TMTC2: variants seen among roughly 807,000 people sequenced by gnomAD.
The protein encoded by TMTC2 is protein O-mannosyl-transferase TMTC2.
A neutral mutation model predicts 82.4 loss-of-function variants in TMTC2; 43 were observed. The observed-to-expected ratio is 0.52, with a 90% confidence interval of 0.41 to 0.67. The LOEUF is 0.67. Ranked by LOEUF, TMTC2 falls within the 30% of genes least tolerant of loss-of-function variation. The pLI is 0.00. For missense variants in TMTC2, 919 were observed against 1,012.4 expected (o/e 0.91, Z 1.25); for synonymous variants, 408 against 381.9 (o/e 1.07, Z -0.80).
At chr12:82,876,122 T>TGATGGTG (rs1872544085) in intron 2 of TMTC2, among the ~76,000 whole-genome samples, 36 of 143,498 alleles carry the variant, frequency 2.5e-4, no homozygotes, top group Non-Finnish European at 3.2e-4. Context: ...GTGGTGGTGG[T>TGATGGTG]ATTAGTAATG....
At chr12:83,012,568 TC>T (rs1352122252) in intron 8 of TMTC2, among the ~76,000 whole-genome samples, 1 of 152,122 alleles carries the variant, frequency 6.6e-6, no homozygotes, top group Non-Finnish European at 1.5e-5. Flanking sequence ...AACATGGTAG[TC>T]CTATGAATAT....
chr12:82,801,309 C>G (rs938975407), intron 1 of TMTC2, among the ~76,000 whole-genome samples: 12 of 152,024 alleles, frequency 7.9e-5, no homozygotes, highest in African/African-American at 2.4e-4. Flanking sequence ...AGGAGTGAAA[C>G]TGCAGATCTT....
intron 1 of TMTC2, among the ~76,000 whole-genome samples, chr12:82,756,378 A>C (rs1443047159): frequency 6.6e-6 from 1 of 152,218 alleles, no homozygotes; most frequent in East Asian, 1.9e-4. Context: ...GTTGAAGGGA[A>C]AAGCCTACAT....
chr12:82,691,726 A>G (rs908671722), intron 1 of TMTC2, among the ~76,000 whole-genome samples: 20 of 152,178 alleles, frequency 1.3e-4, no homozygotes, highest in Non-Finnish European at 2.8e-4. Flanking sequence ...TGAGATTGTT[A>G]TCTTAAGATT....
intron 1 of TMTC2, among the ~76,000 whole-genome samples, chr12:82,823,148 C>T (rs1405370090): frequency 6.6e-6 from 1 of 152,022 alleles, no homozygotes; most frequent in Non-Finnish European, 1.5e-5. Context: ...TAAATCAGTT[C>T]TGTTATTAAT....
chr12:82,935,932 T>A (rs1876292762), intron 4 of TMTC2, among the ~76,000 whole-genome samples: 1 of 152,034 alleles, frequency 6.6e-6, no homozygotes, highest in Non-Finnish European at 1.5e-5. Flanking sequence ...TAAATCAGAA[T>A]GCAGAGAAAC....
At chr12:82,979,621 C>T (rs1411522903) in intron 7 of TMTC2, among the ~76,000 whole-genome samples, 1 of 151,664 alleles carries the variant, frequency 6.6e-6, no homozygotes. Flanking sequence ...TTATGTACCA[C>T]CTAATTATGT....
rs763708017 is a variant in TMTC2 at position 82,765,697 on chromosome 12, CAAAA to C, written c.83+78029_83+78032del. 5.0e-3 allele frequency among the ~76,000 whole-genome samples: 717 copies of C among 143,000 alleles called. 8 individuals carry two copies. Among genetic ancestry groups the C allele is most frequent in the Middle Eastern group, 0.041 (10 of 246 alleles). The allele number at this position is 143,000 out of a possible 152,430, so 93.8% of individuals were successfully genotyped here. A position where few individuals can be genotyped will look rare whatever the true frequency, so the allele number is the denominator to read the frequency against. ...CTCGAAAAAACAAAACAAAACAAAA[CAAAA>C]CAAACAAACAAACAAAAAAAAACAA... is the stretch of plus-strand genomic sequence containing the variant. On this transcript the variant is annotated intron_variant, in intron 1 of 11. Coordinates refer to ENST00000321196, the MANE Select transcript of TMTC2 (RefSeq NM_152588.3).
At chr12:83,119,341 G>A (rs1314068448) in intron 11 of TMTC2, among the ~76,000 whole-genome samples, 1 of 152,102 alleles carries the variant, frequency 6.6e-6, no homozygotes, top group African/African-American at 2.4e-5. Context: ...GATAGGTTGT[G>A]TCACTATTGT....
At chr12:82,784,646 G>A (rs1317695567) in intron 1 of TMTC2, among the ~76,000 whole-genome samples, 1 of 152,094 alleles carries the variant, frequency 6.6e-6, no homozygotes, top group Non-Finnish European at 1.5e-5. Flanking sequence ...TGTAGGCGAA[G>A]GGTAACTTCC....
chr12:82,797,136 G>C (rs1878759345), intron 1 of TMTC2, among the ~76,000 whole-genome samples: 1 of 151,996 alleles, frequency 6.6e-6, no homozygotes, highest in African/African-American at 2.4e-5. Flanking sequence ...TCCCTGCCTT[G>C]CTTTCTGCAA....
At chr12:82,792,120 G>A (rs77470245) in intron 1 of TMTC2, among the ~76,000 whole-genome samples, 2,947 of 151,782 alleles carry the variant, frequency 0.019, 108 homozygotes, top group African/African-American at 0.068. Context: ...AAAATCTGTC[G>A]ACTGTGGTGT....
chr12:82,719,033 A>C (rs1874036285), intron 1 of TMTC2, among the ~76,000 whole-genome samples: 2 of 145,136 alleles, frequency 1.4e-5, no homozygotes, highest in South Asian at 4.3e-4. Context: ...ATAGAGCTTA[A>C]TACAATTCTA....
At chr12:82,990,128 TG>T (rs2137346379) in intron 8 of TMTC2, among the ~76,000 whole-genome samples, 1 of 152,276 alleles carries the variant, frequency 6.6e-6, no homozygotes, top group Non-Finnish European at 1.5e-5. Flanking sequence ...AAAATGGAAT[TG>T]GCTGCTAGTT....
Position 83,132,244 on chromosome 12 carries a change from T to C in TMTC2, c.2366T>C (p.Leu789Pro). 3 of 1,613,726 alleles carry C rather than the reference T, an allele frequency of 1.9e-6. No homozygotes were observed. Among genetic ancestry groups the C allele is most frequent in the Non-Finnish European group, 2.5e-6 (3 of 1,179,850 alleles). The change falls in exon 12 of 12, where the codon CTG becomes CCG. Residue 789 changes from leucine (L) to proline (P), a missense_variant. Leu to Pro is a moderately conservative substitution (Grantham distance 98). Transcript: ENST00000321196. ...GCTTTGATGAACCTGGGAGCCATTCTGCACCTCAATGGCAGACTCCAGAAG... is the reference window on the plus strand; with the variant it reads ...GCTTTGATGAACCTGGGAGCCATTCCGCACCTCAATGGCAGACTCCAGAAG... Reference protein sequence around the residue: ...PAALMNLGAILHLNGRLQKAE... With the variant: ...PAALMNLGAIPHLNGRLQKAE...
chr12:83,011,035 A>G (rs1019557685), intron 8 of TMTC2, among the ~76,000 whole-genome samples: 5 of 152,122 alleles, frequency 3.3e-5, no homozygotes, highest in African/African-American at 9.7e-5. Context: ...GGGTTTTGCC[A>G]TGTTGGCCAG....
chr12:82,956,642 T>A (rs949349577), intron 4 of TMTC2, among the ~76,000 whole-genome samples: 3 of 152,052 alleles, frequency 2.0e-5, no homozygotes, highest in Non-Finnish European at 4.4e-5. Flanking sequence ...TTAGTAGAGA[T>A]GGAGTTTAAC....
At chr12:83,051,856 GT>G (rs1312056869) in intron 10 of TMTC2, among the ~76,000 whole-genome samples, 1 of 152,146 alleles carries the variant, frequency 6.6e-6, no homozygotes, top group South Asian at 2.1e-4. Flanking sequence ...AGATTATCAG[GT>G]TTTTTTGTGT....
intron 3 of TMTC2, among the ~76,000 whole-genome samples, chr12:82,911,604 T>C (rs983803502): frequency 8.5e-5 from 13 of 152,102 alleles, no homozygotes; most frequent in African/African-American, 2.2e-4. Context: ...TTATTTATTT[T>C]TTTCTTTTCT....
Sources: gnomAD v4.1 joint callset for allele counts (sites outside exome capture counted in the v4.1 genomes callset) on GRCh38, gnomAD v4.1.1 for gene constraint, MANE v1.5 for transcripts, NCBI Gene and HGNC (gene_info 2026-07-23, HGNC 2026-07-21) for gene names.